ACO1: variants seen among roughly 807,000 people sequenced by gnomAD.
The protein encoded by ACO1 is aconitase 1, also known as cytoplasmic aconitate hydratase.
Under a neutral mutation model 105.1 loss-of-function variants are expected in ACO1, and 78 were observed. The ratio of observed to expected loss-of-function variants is 0.74; its 90% CI spans 0.62 to 0.90. The LOEUF is 0.90. ACO1 is among the 40% of genes least tolerant of loss of function. The pLI is 0.00. For missense variants in ACO1, 965 were observed against 1,111.1 expected, an observed-to-expected ratio of 0.87 and a Z score of 1.87; for synonymous variants, 364 against 397.4, an observed-to-expected ratio of 0.92 and a Z score of 1.00.
chr9:32,419,316 A>G, intron 7 of ACO1, 139 bp downstream of exon 7: 1 of 922,548 alleles, frequency 1.1e-6, no homozygotes, highest in Non-Finnish European at 1.5e-6. Flanking sequence ...TTTTAAAAGG[A>G]GATGAGGTAA....
chr9:32,389,641 G>A (rs532209473), intron 1 of ACO1, among the ~76,000 whole-genome samples: 4 of 150,370 alleles, frequency 2.7e-5, no homozygotes, highest in East Asian at 1.9e-4. Flanking sequence ...TCAGCTGACC[G>A]TCTCCCTAGA....
At chr9:32,411,818 T>C (rs1215186117) in intron 4 of ACO1, among the ~76,000 whole-genome samples, 1 of 152,084 alleles carries the variant, frequency 6.6e-6, no homozygotes, top group Non-Finnish European at 1.5e-5. Context: ...ACCTTAGAAA[T>C]TTCTATATCC....
At chr9:32,386,560 G>A (rs912561728) in intron 1 of ACO1, 1 of 152,168 alleles carries the variant, frequency 6.6e-6, no homozygotes, top group Non-Finnish European at 1.5e-5. Context: ...CCTCCCTTTT[G>A]TTCCTTCATC....
intron 1 of ACO1, among the ~76,000 whole-genome samples, chr9:32,399,966 G>GTT (rs57615512): frequency 0.048 from 3,321 of 69,674 alleles, 879 homozygotes; most frequent in African/African-American, 0.18. Context: ...TTCTTTTTCT[G>GTT]TTTTTTTTTT....
chr9:32,399,977 T>C (rs1050727907), intron 1 of ACO1, among the ~76,000 whole-genome samples: 1 of 135,050 alleles, frequency 7.4e-6, no homozygotes, highest in East Asian at 2.1e-4. Context: ...TTTTTTTTTT[T>C]TTTTTTTTTT....
At chr9:32,410,216 A>C (rs1238120048) in intron 4 of ACO1, among the ~76,000 whole-genome samples, 4 of 152,238 alleles carry the variant, frequency 2.6e-5, no homozygotes, top group Non-Finnish European at 5.9e-5. Flanking sequence ...CATAGAAAAT[A>C]GTAGAATCTA....
chr9:32,408,727 A>G (rs1821670672), intron 4 of ACO1, 76 bp downstream of exon 4: 7 of 1,468,222 alleles, frequency 4.8e-6, no homozygotes, highest in Non-Finnish European at 6.4e-6. Flanking sequence ...TAAAATGTGT[A>G]TATGTAGTTA....
At chr9:32,392,754 G>A (rs1426406395) in intron 1 of ACO1, among the ~76,000 whole-genome samples, 3 of 152,158 alleles carry the variant, frequency 2.0e-5, no homozygotes, top group South Asian at 4.1e-4. Flanking sequence ...CAGGGACCCC[G>A]AACGGAGGGA....
intron 17 of ACO1, chr9:32,435,924 T>C: frequency 2.2e-6 from 1 of 446,970 alleles, no homozygotes; most frequent in Non-Finnish European, 4.3e-6. Flanking sequence ...TAGCTCTTTA[T>C]CTTATATGAA....
chr9:32,405,651 T>G (rs762835739), intron 2 of ACO1, 48 bp downstream of exon 2: 2 of 1,315,906 alleles, frequency 1.5e-6, no homozygotes, highest in East Asian at 4.6e-5. Context: ...TGCACAATGA[T>G]TAGGCTATGT....
At position 32,448,880 on chromosome 9, in the gene ACO1, T is replaced by C; in HGVS notation, c.2371-16T>C. 2 of 1,614,104 alleles carry C rather than the reference T, an allele frequency of 1.2e-6. No homozygotes were observed. Among genetic ancestry groups the C allele is most frequent in the Non-Finnish European group, 1.7e-6 (2 of 1,179,950 alleles). On this transcript the variant is annotated splice_polypyrimidine_tract_variant and intron_variant, in intron 19 of 20. Transcript: ENST00000309951. ...AAGATTGGAAGTATGTCTAAACTAC[T>C]GTCTTTATTCATCAGGGAATCAAAG...
chr9:32,401,198 G>A (rs997697429), intron 1 of ACO1, among the ~76,000 whole-genome samples: 2 of 152,112 alleles, frequency 1.3e-5, no homozygotes, highest in African/African-American at 4.8e-5. Context: ...AAGTTTAGCT[G>A]TCAGTTCTCT....
At chr9:32,390,168 T>C (rs1452412151) in intron 1 of ACO1, among the ~76,000 whole-genome samples, 1 of 152,252 alleles carries the variant, frequency 6.6e-6, no homozygotes, top group Admixed American at 6.5e-5. Flanking sequence ...CATTTGCAGC[T>C]GTATAAATTA....
chr9:32,440,607 C>G lies in ACO1; in HGVS notation c.2370+20C>G, dbSNP rs757466474. The G allele has an allele frequency of 1.2e-6, 2 of 1,611,578 alleles. No individual in the cohort carries two copies. Among genetic ancestry groups the G allele is most frequent in the South Asian group, 2.2e-5 (2 of 90,866 alleles). On this transcript the variant is annotated intron_variant, in intron 19 of 20. Transcript: ENST00000309951. ...CTGCTGGTGAGTATGAAGTAGACAT[C>G]CTAGGAGGCAGCTCCCCTCTGAACT...
chr9:32,435,957 CAAAT>C (rs766465348), intron 17 of ACO1: 4 of 541,928 alleles, frequency 7.4e-6, no homozygotes, highest in East Asian at 4.6e-5. Context: ...ACCCTACTAA[CAAAT>C]AAAACATTCT....
Position 32,419,203 on chromosome 9 carries a change from G to T in ACO1, c.798+26G>T, listed in dbSNP as rs560776327. The T allele has an allele frequency of 1.4e-5, 21 of 1,527,282 alleles. No homozygotes were observed. In the South Asian group the frequency reaches 2.5e-4, roughly 18 times the overall value. The allele number at this position is 1,527,282 out of a possible 1,614,324, so 94.6% of individuals were successfully genotyped here. ...GTAACAATGTGCATCCTCTTCTGTG[G>T]TCTTGGAAAGCCACAATGATAGCTT... On this transcript the variant is annotated intron_variant, in intron 7 of 20. Coordinates refer to ENST00000309951, the MANE Select transcript of ACO1 (RefSeq NM_002197.3).
At chr9:32,406,346 G>A (rs1159370164) in intron 2 of ACO1, among the ~76,000 whole-genome samples, 3 of 152,220 alleles carry the variant, frequency 2.0e-5, no homozygotes, top group Non-Finnish European at 4.4e-5. Context: ...CATAGGCTGC[G>A]TGTGTTGGCT....
intron 2 of ACO1, among the ~76,000 whole-genome samples, chr9:32,406,876 T>A (rs1821622705): frequency 6.6e-6 from 1 of 152,174 alleles, no homozygotes; most frequent in African/African-American, 2.4e-5. Context: ...CTCTGCCTCC[T>A]AGGTTCAAGC....
At chr9:32,449,487 T>C (rs910827803) in intron 20 of ACO1, among the ~76,000 whole-genome samples, 2 of 152,056 alleles carry the variant, frequency 1.3e-5, no homozygotes, top group African/African-American at 4.8e-5. Context: ...AGAGTGAAAA[T>C]GATAGATCCC....
Sources: gnomAD v4.1 joint callset for allele counts (sites outside exome capture counted in the v4.1 genomes callset) on GRCh38, gnomAD v4.1.1 for gene constraint, MANE v1.5 for transcripts, NCBI Gene and HGNC (gene_info 2026-07-23, HGNC 2026-07-21) for gene names.